The following STAG1 variants were observed in gnomAD, a reference collection of about 807,000 sequenced individuals.
The protein encoded by STAG1 is STAG1 cohesin complex component.
A neutral mutation model predicts 170.9 loss-of-function variants in STAG1; 26 were observed. The ratio of observed to expected loss-of-function variants is 0.15; its 90% CI spans 0.11 to 0.21. STAG1 has a LOEUF of 0.21. STAG1 is among the 10% of genes least tolerant of loss of function. STAG1 has a pLI of 1.00. For missense variants in STAG1, 964 were observed against 1,509.5 expected, an observed-to-expected ratio of 0.64 and a Z score of 5.99; for synonymous variants, 514 against 497.7, an observed-to-expected ratio of 1.03 and a Z score of -0.44.
intron 4 of STAG1, among the ~76,000 whole-genome samples, chr3:136,600,121 G>C (rs1249303613): frequency 6.6e-6 from 1 of 152,110 alleles, no homozygotes; most frequent in African/African-American, 2.4e-5. Context: ...TTTCCTGTAA[G>C]TGATGTTTTA....
chr3:136,421,054 AGCCACCTCGTT>A (rs1328206627), intron 20 of STAG1, 28 bp downstream of exon 20: 1 of 1,344,356 alleles, frequency 7.4e-7, no homozygotes, highest in Non-Finnish European at 1.0e-6. Flanking sequence ...TACAGGCATG[AGCCACCTCGTT>A]GCCTTTACTT....
chr3:136,383,954 C>CAAA (rs71304276), intron 22 of STAG1, among the ~76,000 whole-genome samples: 3 of 58,968 alleles, frequency 5.1e-5, no homozygotes, highest in Non-Finnish European at 9.6e-5. Context: ...GACTCCGTCT[C>CAAA]AAAAAAAAAA....
intron 1 of STAG1, among the ~76,000 whole-genome samples, chr3:136,652,585 T>C (rs866055008): frequency 1.3e-5 from 2 of 151,972 alleles, no homozygotes; most frequent in African/African-American, 2.4e-5. Flanking sequence ...GACAGACACA[T>C]AAAAATTAGA....
intron 3 of STAG1, among the ~76,000 whole-genome samples, chr3:136,611,590 G>A (rs1939280603): frequency 6.8e-6 from 1 of 147,340 alleles, no homozygotes; most frequent in Non-Finnish European, 1.5e-5. Context: ...CCCCTCCCAA[G>A]CTTAAGCAAT....
chr3:136,511,787 C>T (rs1381513106), intron 7 of STAG1, among the ~76,000 whole-genome samples: 2 of 152,136 alleles, frequency 1.3e-5, no homozygotes, highest in Non-Finnish European at 2.9e-5. Context: ...ACATGTACCC[C>T]TGAACGTCAA....
chr3:136,711,475 C>G (rs990449759), intron 1 of STAG1, among the ~76,000 whole-genome samples: 1 of 151,662 alleles, frequency 6.6e-6, no homozygotes, highest in Non-Finnish European at 1.5e-5. Flanking sequence ...ACAGGAGGAT[C>G]GTATAAGCCC....
At chr3:136,659,843 G>T (rs1941517256) in intron 1 of STAG1, among the ~76,000 whole-genome samples, 1 of 152,156 alleles carries the variant, frequency 6.6e-6, no homozygotes, top group Non-Finnish European at 1.5e-5. Context: ...AAATTGTCAT[G>T]AAATCTTACT....
chr3:136,640,676 T>C (rs1940758878), intron 1 of STAG1, among the ~76,000 whole-genome samples: 1 of 141,500 alleles, frequency 7.1e-6, no homozygotes, highest in African/African-American at 2.7e-5. Context: ...GCCTGTTTTG[T>C]TGTTTTTTTT....
chr3:136,516,371 G>A (rs1243872461), intron 7 of STAG1, among the ~76,000 whole-genome samples: 1 of 151,982 alleles, frequency 6.6e-6, no homozygotes, highest in African/African-American at 2.4e-5. Context: ...AGCCGGATGT[G>A]GTGGCATGCA....
chr3:136,525,007 T>C (rs1934924451), intron 6 of STAG1, among the ~76,000 whole-genome samples: 1 of 152,224 alleles, frequency 6.6e-6, no homozygotes, highest in Non-Finnish European at 1.5e-5. Context: ...CGGTATTTTA[T>C]TGAGGACTTT....
chr3:136,502,278 C>A (rs541783969), intron 8 of STAG1, among the ~76,000 whole-genome samples: 18 of 151,872 alleles, frequency 1.2e-4, no homozygotes, highest in Admixed American at 9.8e-4. Context: ...TATATACCAG[C>A]TAGTATGTAG....
rs546691021 is a variant in STAG1 at position 136,418,526 on chromosome 3, G to A, written c.2109-554C>T. Among the ~76,000 whole-genome samples the A allele has an allele frequency of 4.6e-5, 7 of 150,790 alleles. No individual in the cohort carries two copies. In the East Asian group the frequency reaches 1.4e-3, roughly 29 times the overall value. ...GAGATGATTCTATGAATTTATTAAA[G>A]AAATCAACAAAAAAATAAAACCTGA... On this transcript the variant is annotated intron_variant, in intron 20 of 33. Transcript: ENST00000383202.
chr3:136,441,405 C>T (rs1252874166), intron 15 of STAG1, among the ~76,000 whole-genome samples: 1 of 152,108 alleles, frequency 6.6e-6, no homozygotes, highest in African/African-American at 2.4e-5. Flanking sequence ...ATAATTACAG[C>T]TAGAGGCAAA....
At chr3:136,660,039 T>G (rs560004078) in intron 1 of STAG1, among the ~76,000 whole-genome samples, 1 of 152,330 alleles carries the variant, frequency 6.6e-6, no homozygotes, top group African/African-American at 2.4e-5. Flanking sequence ...TTTTTAAAAA[T>G]TAATGTTTTT....
At chr3:136,565,965 C>T (rs542310464) in intron 5 of STAG1, among the ~76,000 whole-genome samples, 4 of 152,232 alleles carry the variant, frequency 2.6e-5, no homozygotes, top group African/African-American at 9.6e-5. Flanking sequence ...TATAAGATGA[C>T]CAGGACTGGC....
chr3:136,402,958 T>C (rs2108348259), intron 21 of STAG1, among the ~76,000 whole-genome samples: 1 of 151,978 alleles, frequency 6.6e-6, no homozygotes, highest in East Asian at 1.9e-4. Context: ...CTGGGTGCAG[T>C]GGCTCACGCC....
At chr3:136,519,660 C>A (rs1422555497) in intron 7 of STAG1, among the ~76,000 whole-genome samples, 1 of 151,124 alleles carries the variant, frequency 6.6e-6, no homozygotes, top group East Asian at 1.9e-4. Flanking sequence ...AAAGCAACGA[C>A]CAAATGCAGA....
chr3:136,477,655 C>A (rs1158849840), intron 9 of STAG1, among the ~76,000 whole-genome samples: 1 of 152,106 alleles, frequency 6.6e-6, no homozygotes, highest in Non-Finnish European at 1.5e-5. Context: ...TTTCACTGGG[C>A]TAGACAATGA....
intron 1 of STAG1, among the ~76,000 whole-genome samples, chr3:136,740,271 A>G (rs997230716): frequency 2.6e-5 from 4 of 152,222 alleles, no homozygotes; most frequent in South Asian, 2.1e-4. Flanking sequence ...TAACGCAAAC[A>G]CTCCATGTAA....
Sources: allele counts gnomAD v4.1 joint callset (sites outside exome capture counted in the v4.1 genomes callset), GRCh38; gene constraint gnomAD v4.1.1; transcripts MANE v1.5; gene names NCBI Gene and HGNC (gene_info 2026-07-23, HGNC 2026-07-21).